Variants in CACNA1C observed in about 807,000 individuals in gnomAD.
The protein encoded by CACNA1C is voltage-dependent L-type calcium channel subunit alpha-1C.
In CACNA1C, 30 loss-of-function variants were observed where a neutral mutation model predicts 229.0. The observed-to-expected ratio is 0.13, with a 90% confidence interval of 0.10 to 0.18. The LOEUF is 0.18. Among genes scored for constraint, CACNA1C ranks in the 10% least tolerant of loss-of-function variants. The probability of loss-of-function intolerance (pLI) is 1.00; values close to 1 mark genes in which losing one functional copy is unlikely to be tolerated. For synonymous variants in CACNA1C, 1,114 were observed against 1,132.5 expected (o/e 0.98, Z 0.33); for missense variants, 1,658 against 2,845.0 (o/e 0.58, Z 9.49).
chr12:2,683,886 G>A (rs958832210), intron 43 of CACNA1C, among the ~76,000 whole-genome samples: 1 of 152,248 alleles, frequency 6.6e-6, no homozygotes, highest in African/African-American at 2.4e-5. Context: ...AGGGAACCCT[G>A]GAGCTGCCGA....
At chr12:2,428,011 C>T (rs917308206) in intron 3 of CACNA1C, among the ~76,000 whole-genome samples, 3 of 152,188 alleles carry the variant, frequency 2.0e-5, no homozygotes, top group Non-Finnish European at 2.9e-5. Flanking sequence ...CTCGGCCTGT[C>T]GCTTTAGAGC....
Position 2,597,072 on chromosome 12 carries a change from C to A in CACNA1C, c.2794-158C>A, listed in dbSNP as rs934623091. Among the ~76,000 whole-genome samples the A allele has an allele frequency of 6.6e-6, 1 of 152,078 alleles. No individual in the cohort carries two copies. The highest frequency in any genetic ancestry group is 2.4e-5 in the African/African-American group (1 of 41,416). On this transcript the variant is annotated intron_variant, in intron 20 of 46. Transcript: ENST00000399655. The surrounding 1 kb of genome is among the most constrained non-coding windows in gnomAD (Gnocchi z 4.3). ...GATGTCTGTGTGTGTGCCGCTTGCC[C>A]CCCATGTCCATCTGTGTCCCTGTGC...
Position 2,155,865 on chromosome 12 carries a change from C to T in CACNA1C, c.477+35435C>T, listed in dbSNP as rs148084620. Among the ~76,000 whole-genome samples the T allele has an allele frequency of 9.1e-4, 139 of 152,272 alleles. 1 individual carries two copies. The highest frequency in any genetic ancestry group is 3.7e-4 in the Non-Finnish European group (25 of 68,016). On this transcript the variant is annotated intron_variant, in intron 3 of 46. Transcript: ENST00000399655. ...GTGCTTGAGAGAAATATTTTTGAAC[C>T]TGAGGATTTTTTATCTTAACGTTGA...
At chr12:2,204,709 T>A (rs10848630) in intron 3 of CACNA1C, among the ~76,000 whole-genome samples, 1 of 141,110 alleles carries the variant, frequency 7.1e-6, no homozygotes. Flanking sequence ...AACTAAACAC[T>A]GCATATTCTC....
chr12:2,344,467 G>C (rs1265453726), intron 3 of CACNA1C, among the ~76,000 whole-genome samples: 1 of 151,824 alleles, frequency 6.6e-6, no homozygotes, highest in Non-Finnish European at 1.5e-5. Context: ...CTCTTATTAG[G>C]GGCATTTGCA....
chr12:2,451,894 A>C (rs1272132194), intron 4 of CACNA1C, among the ~76,000 whole-genome samples: 1 of 152,206 alleles, frequency 6.6e-6, no homozygotes, highest in Non-Finnish European at 1.5e-5. Flanking sequence ...TTTGGCACCT[A>C]GTCTCTCTTC....
intron 3 of CACNA1C, among the ~76,000 whole-genome samples, chr12:2,433,674 CCCTT>C (rs139920822): frequency 0.44 from 66,014 of 151,646 alleles, 15,120 homozygotes; most frequent in East Asian, 0.59. Context: ...CTACAGACAG[CCCTT>C]CCTTCTTGGG....
intron 3 of CACNA1C, among the ~76,000 whole-genome samples, chr12:2,332,362 TAAAAA>T (rs2096572791): frequency 1.3e-5 from 2 of 152,140 alleles, no homozygotes; most frequent in African/African-American, 4.8e-5. Flanking sequence ...AATAAAAAGA[TAAAAA>T]GAAAAAGGCA....
chr12:2,464,301 G>C (rs2099535535), intron 5 of CACNA1C, among the ~76,000 whole-genome samples: 2 of 152,194 alleles, frequency 1.3e-5, no homozygotes, highest in East Asian at 3.8e-4. Flanking sequence ...GAGGTAGATA[G>C]TGCACTCCCA....
chr12:2,485,433 G>A (rs2099693937), intron 5 of CACNA1C, among the ~76,000 whole-genome samples: 1 of 152,154 alleles, frequency 6.6e-6, no homozygotes, highest in South Asian at 2.1e-4. Flanking sequence ...AGTAAGGGGG[G>A]CCTTCTCCCC....
intron 3 of CACNA1C, among the ~76,000 whole-genome samples, chr12:2,419,262 C>T (rs985418159): frequency 1.3e-5 from 2 of 152,160 alleles, no homozygotes; most frequent in Non-Finnish European, 2.9e-5. Context: ...AGCTTCCAAT[C>T]ATGGCAGAAG....
At chr12:2,347,247 C>T (rs547124476) in intron 3 of CACNA1C, among the ~76,000 whole-genome samples, 1 of 152,318 alleles carries the variant, frequency 6.6e-6, no homozygotes, top group East Asian at 1.9e-4. Flanking sequence ...CTGCACTTTC[C>T]CCACATCTGT....
intron 1 of CACNA1C, among the ~76,000 whole-genome samples, chr12:2,025,824 A>G (rs1021849428): frequency 1.3e-5 from 2 of 152,164 alleles, no homozygotes; most frequent in Admixed American, 6.5e-5. Context: ...TCAGGTTTTA[A>G]ACTCCTGACT....
At position 2,682,755 on chromosome 12, in the gene CACNA1C, A is replaced by T. The variant is rs2097209724; in HGVS notation, c.5573+77A>T. On this transcript the variant is annotated intron_variant, in intron 43 of 46. Transcript: ENST00000399655. ...GGGGAGGCAGAGGCAGGTCCCTGAG[A>T]TCCCTCCTCTGGGGCTGATTGCAGG... is the stretch of plus-strand genomic sequence containing the variant. 7.5e-6 allele frequency: 11 copies of T among 1,466,400 alleles called. No individual in the cohort carries two copies. The Admixed American group carries it at 7.7e-5, about 10-fold the overall frequency. The allele number at this position is 1,466,400 out of a possible 1,614,324, so 90.8% of individuals were successfully genotyped here.
At chr12:2,143,210 C>A (rs1289757319) in intron 3 of CACNA1C, among the ~76,000 whole-genome samples, 1 of 151,130 alleles carries the variant, frequency 6.6e-6, no homozygotes, top group Non-Finnish European at 1.5e-5. Context: ...TCAGGTGATC[C>A]ACCCGCTTTG....
Position 2,566,291 on chromosome 12 carries a change from G to A in CACNA1C, c.1509-131G>A. The A allele has an allele frequency of 2.5e-6, 2 of 787,310 alleles. No individual in the cohort carries two copies. The highest frequency in any genetic ancestry group is 2.2e-5 in the South Asian group (1 of 46,362). The allele number at this position is 787,310 out of a possible 1,614,324, so 48.8% of individuals were successfully genotyped here. On this transcript the variant is annotated intron_variant, in intron 11 of 46. Transcript: ENST00000399655. This position sits in a 1 kb window ranked among gnomAD's most constrained non-coding sequence, Gnocchi z 4.0. ...AGCTGGATGAGAAGCTGGGCTCCTT[G>A]CCACCAGATTGGGCTGCTCTAGCAA...
chr12:2,457,756 G>A, intron 5 of CACNA1C, 50 bp downstream of exon 5: 1 of 1,420,844 alleles, frequency 7.0e-7, no homozygotes, highest in Non-Finnish European at 9.3e-7. Context: ...ACCACCTTCT[G>A]CTGTCCTTTG....
intron 3 of CACNA1C, among the ~76,000 whole-genome samples, chr12:2,357,664 TAA>T (rs550833961): frequency 3.3e-4 from 43 of 129,860 alleles, no homozygotes; most frequent in South Asian, 7.5e-4. Flanking sequence ...TTTTTTTCCT[TAA>T]AAAAAAAAAA....
rs1055561627 is a variant in CACNA1C at position 2,696,925 on chromosome 12, C to A, written c.*5726C>A. 1 of 152,160 alleles carries A rather than the reference C, an allele frequency of 6.6e-6. No homozygotes were observed. The highest frequency in any genetic ancestry group is 2.4e-5 in the African/African-American group (1 of 41,404). 9.4% of individuals were successfully genotyped at this position (152,160 alleles called of 1,614,324 possible). ...CTCTCCTGTAGAGTCACAAGAGAAG[C>A]AAAAGAGGGTGGGTCACTGGGTCCT... is the stretch of plus-strand genomic sequence containing the variant. On this transcript the variant is annotated 3_prime_UTR_variant, in exon 47 of 47. Transcript: ENST00000399655.
Sources: allele counts gnomAD v4.1 joint callset (sites outside exome capture counted in the v4.1 genomes callset), GRCh38; gene constraint gnomAD v4.1.1; non-coding constraint Gnocchi (gnomAD v3.1); transcripts MANE v1.5; gene names NCBI Gene and HGNC (gene_info 2026-07-23, HGNC 2026-07-21).